Variants in ANXA10 observed in about 807,000 individuals in gnomAD.
The protein encoded by ANXA10 is annexin A10, also known as annexin 14.
In ANXA10, 49 loss-of-function variants were observed where a neutral mutation model predicts 53.5. The ratio of observed to expected loss-of-function variants is 0.92; its 90% CI spans 0.73 to 1.16. ANXA10 has a LOEUF of 1.16. ANXA10 is among the 50% of genes most tolerant of loss of function. The pLI is 0.00. For synonymous variants in ANXA10, 131 were observed against 128.9 expected, an observed-to-expected ratio of 1.02 and a Z score of -0.11; for missense variants, 393 against 394.4, an observed-to-expected ratio of 1.00 and a Z score of 0.03.
At chr4:168,174,478 G>A (rs1231794813) in intron 6 of ANXA10, among the ~76,000 whole-genome samples, 1 of 152,152 alleles carries the variant, frequency 6.6e-6, no homozygotes, top group African/African-American at 2.4e-5. Flanking sequence ...CTCACTCTGC[G>A]GGCTGAGTGC....
intron 3 of ANXA10, among the ~76,000 whole-genome samples, chr4:168,156,949 A>G (rs1300263421): frequency 1.3e-5 from 2 of 152,122 alleles, no homozygotes; most frequent in Non-Finnish European, 1.5e-5. Context: ...CTCTATCCTC[A>G]GGCTTATTAA....
intron 1 of ANXA10, among the ~76,000 whole-genome samples, chr4:168,120,846 C>T (rs1049693261): frequency 1.3e-5 from 2 of 151,948 alleles, no homozygotes; most frequent in East Asian, 1.9e-4. Context: ...TACATTTTTT[C>T]AACATCACTT....
At chr4:168,167,384 G>T (rs1322047307) in intron 6 of ANXA10, among the ~76,000 whole-genome samples, 1 of 152,048 alleles carries the variant, frequency 6.6e-6, no homozygotes, top group Non-Finnish European at 1.5e-5. Context: ...AGATAATTTT[G>T]CCCAACTGTA....
rs747092943 is a variant in ANXA10 at position 168,117,902 on chromosome 4, T to TACTCACTC, written c.19-10153_19-10146dup. On this transcript the variant is annotated intron_variant, in intron 1 of 11. Coordinates refer to ENST00000359299, the MANE Select transcript of ANXA10 (RefSeq NM_007193.5). ...TCCACCACAGGGTGCACTCATACAATACTCACTCACTCACTCACTCACTCA... is the reference window on the plus strand; with the variant it reads ...TCCACCACAGGGTGCACTCATACAATACTCACTCACTCACTCACTCACTCACTCACTCA... Among the ~76,000 whole-genome samples the TACTCACTC allele has an allele frequency of 4.7e-3, 704 of 149,294 alleles. 8 individuals are homozygous for TACTCACTC. The highest frequency in any genetic ancestry group is 0.015 in the African/African-American group (614 of 39,680).
chr4:168,124,277 G>A (rs1183944875), intron 1 of ANXA10, among the ~76,000 whole-genome samples: 1 of 152,124 alleles, frequency 6.6e-6, no homozygotes, highest in Admixed American at 6.5e-5. Flanking sequence ...ATGATCATAA[G>A]GTGAAGTCAA....
intron 4 of ANXA10, 54 bp downstream of exon 4, chr4:168,162,695 T>C: frequency 7.0e-7 from 1 of 1,428,842 alleles, no homozygotes; most frequent in Non-Finnish European, 9.9e-7. Context: ...AGTATTTCAG[T>C]AGAGGGGAAA....
In ANXA10 at chr4:168,177,809, T is replaced by G. The variant is rs1445920686; in HGVS notation, c.534+16T>G. 1.2e-6 allele frequency: 2 copies of G among 1,614,118 alleles called. No individual in the cohort carries two copies. Among genetic ancestry groups the G allele is most frequent in the Admixed American group, 1.7e-5 (1 of 60,010 alleles). On this transcript the variant is annotated intron_variant, in intron 7 of 11. Transcript: ENST00000359299. ...GGATGCAATGGTAACTAGAACCAGT[T>G]CTCAGACTGACTGCAAAGAACCTGG...
intron 4 of ANXA10, among the ~76,000 whole-genome samples, 178 bp downstream of exon 4, chr4:168,162,819 G>A (rs1731809606): frequency 1.3e-5 from 2 of 152,186 alleles, no homozygotes; most frequent in Non-Finnish European, 2.9e-5. Flanking sequence ...TGTTAGGAAG[G>A]TGGAGCCTCC....
chr4:168,159,375 AT>A (rs1248080629), intron 3 of ANXA10, among the ~76,000 whole-genome samples: 4 of 152,090 alleles, frequency 2.6e-5, no homozygotes, highest in African/African-American at 9.7e-5. Flanking sequence ...TTTTATTTTA[AT>A]TTTTGTATTA....
intron 10 of ANXA10, among the ~76,000 whole-genome samples, chr4:168,183,550 G>A (rs894931912): frequency 1.3e-5 from 2 of 152,164 alleles, no homozygotes; most frequent in Non-Finnish European, 1.5e-5. Context: ...TATTCTAATA[G>A]TACATGAAAA....
At chr4:168,169,562 T>C (rs1011254443) in intron 6 of ANXA10, among the ~76,000 whole-genome samples, 1 of 152,180 alleles carries the variant, frequency 6.6e-6, no homozygotes, top group Non-Finnish European at 1.5e-5. Context: ...GATGCCGATC[T>C]CCGTCTCAAA....
At chr4:168,152,205 G>C (rs957393854) in intron 3 of ANXA10, among the ~76,000 whole-genome samples, 2 of 152,162 alleles carry the variant, frequency 1.3e-5, no homozygotes, top group Admixed American at 1.3e-4. Flanking sequence ...GGGAGATGGG[G>C]TGTAATTTTA....
chr4:168,166,009 T>C (rs956646569), intron 6 of ANXA10, among the ~76,000 whole-genome samples: 20 of 152,352 alleles, frequency 1.3e-4, no homozygotes, highest in African/African-American at 4.3e-4. Context: ...AACTGCTACA[T>C]GGGCTTAGCG....
intron 3 of ANXA10, among the ~76,000 whole-genome samples, chr4:168,154,816 T>A (rs1025010822): frequency 1.3e-5 from 2 of 152,154 alleles, no homozygotes; most frequent in African/African-American, 4.8e-5. Context: ...TGAATACAGT[T>A]CCTAACTCAC....
chr4:168,153,421 G>GAAAAAAA (rs1731530572), intron 3 of ANXA10, among the ~76,000 whole-genome samples: 1 of 15,760 alleles, frequency 6.3e-5, no homozygotes, highest in Non-Finnish European at 1.2e-4. Context: ...AAAGCCTAAA[G>GAAAAAAA]CAAAAAAAAA....
At chr4:168,177,859 G>C (rs774910435) in intron 7 of ANXA10, 31 bp from the exon 8 acceptor site, 5 of 1,613,916 alleles carry the variant, frequency 3.1e-6, no homozygotes, top group African/African-American at 2.7e-5. Flanking sequence ...GAGTGGTTCT[G>C]ATGCTACTTC....
intron 2 of ANXA10, among the ~76,000 whole-genome samples, chr4:168,138,964 A>G (rs935255400): frequency 7.2e-5 from 11 of 152,190 alleles, no homozygotes; most frequent in Admixed American, 6.5e-4. Context: ...ACTTTACTGA[A>G]GTCATTTATC....
intron 2 of ANXA10, among the ~76,000 whole-genome samples, chr4:168,131,318 A>T (rs1731153297): frequency 6.6e-6 from 1 of 151,918 alleles, no homozygotes; most frequent in Non-Finnish European, 1.5e-5. Flanking sequence ...GTTTAATTTC[A>T]TTGCAGCCTC....
chr4:168,138,097 G>A (rs192482581), intron 2 of ANXA10, among the ~76,000 whole-genome samples: 1 of 151,840 alleles, frequency 6.6e-6, no homozygotes, highest in Non-Finnish European at 1.5e-5. Flanking sequence ...GAGTAGCTGG[G>A]ACTACAGGCG....
Sources: gnomAD v4.1 joint callset for allele counts (sites outside exome capture counted in the v4.1 genomes callset) on GRCh38, gnomAD v4.1.1 for gene constraint, MANE v1.5 for transcripts, NCBI Gene and HGNC (gene_info 2026-07-23, HGNC 2026-07-21) for gene names.